Variants in SEC24A observed in about 807,000 individuals in gnomAD.
The protein encoded by SEC24A is protein transport protein Sec24A.
A neutral mutation model predicts 129.4 loss-of-function variants in SEC24A; 93 were observed. The observed-to-expected ratio is 0.72, with a 90% CI of 0.61 to 0.85. The LOEUF (loss-of-function observed/expected upper bound fraction) is 0.85. SEC24A is among the 40% of genes least tolerant of loss of function. The probability of loss-of-function intolerance (pLI) is 0.00; values close to 1 mark genes in which losing one functional copy is unlikely to be tolerated. For synonymous variants in SEC24A, 460 were observed against 467.3 expected (o/e 0.98, Z 0.20); for missense variants, 1,264 against 1,307.4 (o/e 0.97, Z 0.51).
intron 3 of SEC24A, among the ~76,000 whole-genome samples, chr5:134,667,381 T>C (rs1339939502): frequency 6.6e-6 from 1 of 152,134 alleles, no homozygotes; most frequent in Non-Finnish European, 1.5e-5. Context: ...CCAGGCGCGG[T>C]GGCTCACACC....
intron 13 of SEC24A, among the ~76,000 whole-genome samples, chr5:134,696,197 G>A (rs987370001): frequency 6.6e-6 from 1 of 151,556 alleles, no homozygotes; most frequent in African/African-American, 2.4e-5. Context: ...TAGAAACCGG[G>A]AGGCAGAGGT....
intron 10 of SEC24A, among the ~76,000 whole-genome samples, chr5:134,687,349 G>A (rs1220439129): frequency 2.0e-5 from 3 of 152,056 alleles, no homozygotes; most frequent in African/African-American, 7.2e-5. Flanking sequence ...TTTGTTCCTA[G>A]TTGTCTCAAA....
chr5:134,655,836 T>C (rs1373076541), intron 1 of SEC24A, among the ~76,000 whole-genome samples: 1 of 152,076 alleles, frequency 6.6e-6, no homozygotes, highest in Non-Finnish European at 1.5e-5. Context: ...AGGGTAGTTA[T>C]GGTTTTCTTT....
intron 14 of SEC24A, among the ~76,000 whole-genome samples, 180 bp from the exon 15 acceptor site, chr5:134,697,719 C>T (rs1027637014): frequency 2.0e-5 from 3 of 152,084 alleles, no homozygotes; most frequent in Non-Finnish European, 4.4e-5. Flanking sequence ...GGTATCACTA[C>T]TGCACTCCAG....
intron 9 of SEC24A, among the ~76,000 whole-genome samples, chr5:134,685,846 G>A (rs553318727): frequency 1.3e-5 from 2 of 151,978 alleles, no homozygotes; most frequent in African/African-American, 2.4e-5. Context: ...AAAATTAGCC[G>A]GGCGTGGTGG....
chr5:134,699,301 C>CTTTTTTTTTTTTTTTTTTTTTT (rs1208203003), intron 15 of SEC24A, among the ~76,000 whole-genome samples: 2 of 138,374 alleles, frequency 1.4e-5, no homozygotes, highest in African/African-American at 5.5e-5. Flanking sequence ...CCATTTTATC[C>CTTTTTTTTTTTTTTTTTTTTTT]TTTTTTTTTT....
At chr5:134,693,362 C>G in intron 12 of SEC24A, 1 of 1,364,516 alleles carries the variant, frequency 7.3e-7, no homozygotes, top group Non-Finnish European at 9.4e-7. Context: ...AAGAGCTAAA[C>G]TCGCTTTGGA....
At chr5:134,679,885 T>C (rs1751206259) in intron 8 of SEC24A, among the ~76,000 whole-genome samples, 157 bp downstream of exon 8, 1 of 151,912 alleles carries the variant, frequency 6.6e-6, no homozygotes, top group African/African-American at 2.4e-5. Flanking sequence ...TTCTGTGCGT[T>C]TATATTTATA....
At chr5:134,684,455 G>A (rs776165145) in intron 9 of SEC24A, among the ~76,000 whole-genome samples, 1 of 151,828 alleles carries the variant, frequency 6.6e-6, no homozygotes, top group Non-Finnish European at 1.5e-5. Context: ...GCTCACACCC[G>A]TAATCCCAGC....
At chr5:134,679,286 T>C (rs1215921920) in intron 7 of SEC24A, among the ~76,000 whole-genome samples, 3 of 151,908 alleles carry the variant, frequency 2.0e-5, no homozygotes, top group Non-Finnish European at 4.4e-5. Flanking sequence ...CTCAAACTCC[T>C]GGCCTCAAGC....
chr5:134,708,609 A>G (rs954988401), intron 17 of SEC24A, 104 bp from the exon 18 acceptor site: 34 of 1,014,150 alleles, frequency 3.4e-5, no homozygotes, highest in Non-Finnish European at 4.0e-5. Context: ...TAAATTGGAG[A>G]GATACTTGGT....
intron 17 of SEC24A, 73 bp from the exon 18 acceptor site, chr5:134,708,640 C>T (rs1035209012): frequency 5.2e-6 from 7 of 1,352,438 alleles, no homozygotes; most frequent in African/African-American, 1.5e-5. Flanking sequence ...AAAATTATCT[C>T]TTCTATCCTT....
chr5:134,714,978 T>G (rs1333094769), intron 18 of SEC24A, 46 bp from the exon 19 acceptor site: 4 of 1,572,306 alleles, frequency 2.5e-6, no homozygotes, highest in Non-Finnish European at 3.5e-6. Context: ...CTGGATGTAT[T>G]TTTAAAATAT....
chr5:134,674,571 A>G (rs562772713), intron 4 of SEC24A, 44 bp from the exon 5 acceptor site: 1 of 1,556,688 alleles, frequency 6.4e-7, no homozygotes, highest in African/African-American at 1.4e-5. Flanking sequence ...TAAATCAAGT[A>G]TTCTGGAGTA....
chr5:134,712,079 G>C (rs1752343696), intron 18 of SEC24A, among the ~76,000 whole-genome samples: 1 of 151,808 alleles, frequency 6.6e-6, no homozygotes, highest in Non-Finnish European at 1.5e-5. Flanking sequence ...TGATCCACTG[G>C]CCTCGGCCTC....
At chr5:134,724,669 G>A (rs562268478) in intron 22 of SEC24A, among the ~76,000 whole-genome samples, 39 of 151,606 alleles carry the variant, frequency 2.6e-4, no homozygotes, top group African/African-American at 9.2e-4. Flanking sequence ...TTTCCATATC[G>A]TGGCTATTGT....
chr5:134,695,149 C>T (rs1030423401), intron 13 of SEC24A, among the ~76,000 whole-genome samples: 4 of 151,910 alleles, frequency 2.6e-5, no homozygotes, highest in South Asian at 2.1e-4. Context: ...ATGGAAGCAT[C>T]GGTTGAGCTC....
chr5:134,717,446 G>A (rs1013408840), intron 19 of SEC24A, among the ~76,000 whole-genome samples: 8 of 151,960 alleles, frequency 5.3e-5, no homozygotes, highest in Non-Finnish European at 1.0e-4. Flanking sequence ...GGCGGAGGTT[G>A]CGGTGAGCCA....
At chr5:134,670,012 C>T (rs1750801900) in intron 3 of SEC24A, among the ~76,000 whole-genome samples, 1 of 152,076 alleles carries the variant, frequency 6.6e-6, no homozygotes, top group East Asian at 1.9e-4. Context: ...CTGCAGCTTC[C>T]GCCTCCCAGG....
Sources: allele counts gnomAD v4.1 joint callset (sites outside exome capture counted in the v4.1 genomes callset), GRCh38; gene constraint gnomAD v4.1.1; transcripts MANE v1.5; gene names NCBI Gene and HGNC (gene_info 2026-07-23, HGNC 2026-07-21).